ARL17A: variants seen among roughly 807,000 people sequenced by gnomAD.
The protein encoded by ARL17A is ARF like GTPase 17A.
chr17:46,575,666 T>C, intron 2 of ARL17A, among the ~76,000 whole-genome samples: 2 of 85,534 alleles, frequency 2.3e-5, no homozygotes, highest in Non-Finnish European at 4.9e-5. Flanking sequence ...AACCTAAGAA[T>C]GTGCAAGCCA....
chr17:46,537,077 ATTTTTTTTTTTTTTTT>A (rs766255014), intron 4 of ARL17A, among the ~76,000 whole-genome samples: 265 of 34,818 alleles, frequency 7.6e-3, no homozygotes, highest in African/African-American at 0.047. Context: ...ATTGTGGTCA[ATTTTTTTTTTTTTTTT>A]TTTTTTTTTT....
At chr17:46,525,602 T>TACA (rs1346950818), downstream of ARL17A, among the ~76,000 whole-genome samples, 3 of 103,264 alleles carry the variant, frequency 2.9e-5, no homozygotes, top group Non-Finnish European at 6.3e-5. Context: ...ATAATAATAA[T>TACA]ATAATAATAA....
chr17:46,534,691 G>A (rs1370331503), intron 4 of ARL17A, among the ~76,000 whole-genome samples: 7 of 149,846 alleles, frequency 4.7e-5, no homozygotes, highest in Admixed American at 6.6e-5. Context: ...ATCATGGCCC[G>A]TTCTCAATGA....
chr17:46,539,529 G>C (rs1197069501), intron 3 of ARL17A, among the ~76,000 whole-genome samples: 2 of 150,820 alleles, frequency 1.3e-5, no homozygotes, highest in Admixed American at 1.3e-4. Flanking sequence ...TTGGGAGGCT[G>C]AGGCAGGTAG....
At chr17:46,526,379 A>T (rs1376682763), downstream of ARL17A, among the ~76,000 whole-genome samples, 1 of 98,924 alleles carries the variant, frequency 1.0e-5, no homozygotes, top group Non-Finnish European at 2.2e-5. Flanking sequence ...ACACAAGTTT[A>T]TAAAAAACAA....
chr17:46,548,771 C>T (rs374053039), downstream of ARL17A: 47 of 1,611,328 alleles, frequency 2.9e-5, 5 homozygotes, highest in African/African-American at 3.1e-4. Context: ...AGTCCAGCCC[C>T]AAGGGAGGTG....
Position 46,520,857 on chromosome 17 carries a change from C to A in ARL17A, c.260-3624G>T, listed in dbSNP as rs1472538040. 7.6e-5 allele frequency among the ~76,000 whole-genome samples: 5 copies of A among 65,836 alleles called. 2 individuals carry two copies. The East Asian group carries it at 1.3e-3, about 17-fold the overall frequency. 43.2% of individuals were successfully genotyped at this position (65,836 alleles called of 152,430 possible). ...GAAGAAAATGGAGACCACCTGCATT[C>A]ATTTGAACATCATTAATCCAGAATT... On this transcript the variant is annotated intron_variant, in intron 3 of 4. Transcript: ENST00000445552.
chr17:46,548,153 C>T, downstream of ARL17A: 2 of 159,074 alleles, frequency 1.3e-5, no homozygotes, highest in African/African-American at 2.8e-4. Flanking sequence ...TTGTTGTTGC[C>T]ATTTCATAGG....
intron 3 of ARL17A, among the ~76,000 whole-genome samples, chr17:46,545,197 C>T (rs1301691948): frequency 5.2e-5 from 7 of 133,738 alleles, no homozygotes; most frequent in Non-Finnish European, 3.1e-5. Context: ...TTTGGAAGGC[C>T]GAGGTGGGAG....
At chr17:46,549,061 C>T, downstream of ARL17A, 1 of 1,612,096 alleles carries the variant, frequency 6.2e-7, no homozygotes, top group Non-Finnish European at 8.5e-7. Context: ...ATACCGCTTT[C>T]ACAAAACTCG....
At chr17:46,530,242 A>G (rs2053481973) in intron 4 of ARL17A, among the ~76,000 whole-genome samples, 1 of 122,100 alleles carries the variant, frequency 8.2e-6, no homozygotes, top group Admixed American at 9.5e-5. Flanking sequence ...AAGATATAGA[A>G]TGAAGGGGTA....
At chr17:46,505,301 GTTTT>G in the ARL17A span, among the ~76,000 whole-genome samples, 2 of 106,224 alleles carry the variant, frequency 1.9e-5, no homozygotes, top group East Asian at 4.4e-4. Context: ...AGGAAGTAAT[GTTTT>G]TCCAGTTTTC....
rs1220226031 is a variant in ARL17A at position 46,558,376 on chromosome 17, G to GT, written c.260-747dup. Among the ~76,000 whole-genome samples, 68 of 106,902 alleles carry GT rather than the reference G, an allele frequency of 6.4e-4. 1 individual carries two copies. In the East Asian group the frequency reaches 8.8e-3, roughly 14 times the overall value. The allele number at this position is 106,902 out of a possible 152,430, so 70.1% of individuals were successfully genotyped here. ...CGCCTGGCTTGTTTTGGGTTTTGGG[G>GT]TTTTTTTTGTGTTTTGTTTGTTTGT... On this transcript the variant is annotated intron_variant, in intron 3 of 3. Coordinates refer to ENST00000336125, the MANE Select transcript of ARL17A (RefSeq NM_001113738.2).
At chr17:46,526,438 A>C (rs1486035589), downstream of ARL17A, among the ~76,000 whole-genome samples, 19 of 103,196 alleles carry the variant, frequency 1.8e-4, 4 homozygotes, top group Admixed American at 1.2e-3. Context: ...AATAGAGCCT[A>C]ACCTTCCAGG....
chr17:46,529,498 C>T (rs1417642942), intron 4 of ARL17A, among the ~76,000 whole-genome samples: 11 of 106,100 alleles, frequency 1.0e-4, no homozygotes, highest in African/African-American at 3.2e-4. Context: ...TGGAAATGGT[C>T]ATCTACTGTG....
Position 46,568,514 on chromosome 17 carries a change from A to T in ARL17A, c.259+2245T>A, listed in dbSNP as rs2552440. On this transcript the variant is annotated intron_variant, in intron 3 of 3. Transcript: ENST00000336125. ...AGCAGTTAAAAAAAAAAAAAAAAAG[A>T]GGGGGGGAGGCCAGGCGAGGTGGCT... is the stretch of plus-strand genomic sequence containing the variant. Among the ~76,000 whole-genome samples, 12 of 109,052 alleles carry T rather than the reference A, an allele frequency of 1.1e-4. 1 individual carries two copies. Among genetic ancestry groups the T allele is most frequent in the East Asian group, 6.4e-4 (2 of 3,128 alleles). The allele number at this position is 109,052 out of a possible 152,430, so 71.5% of individuals were successfully genotyped here. A position where few individuals can be genotyped will look rare whatever the true frequency, so the allele number is the denominator to read the frequency against.
intron 4 of ARL17A, among the ~76,000 whole-genome samples, chr17:46,532,236 T>C (rs901924584): frequency 1.1e-4 from 17 of 148,650 alleles, no homozygotes; most frequent in Non-Finnish European, 2.2e-4. Flanking sequence ...AAACAACAAT[T>C]GTAGTGAAAC....
chr17:46,533,649 G>A (rs1490643648), intron 4 of ARL17A, among the ~76,000 whole-genome samples: 3 of 63,552 alleles, frequency 4.7e-5, no homozygotes, highest in Non-Finnish European at 7.4e-5. Context: ...CTGCAGGCAC[G>A]TAACACCACA....
chr17:46,558,478 C>T (rs1453807656), intron 3 of ARL17A, among the ~76,000 whole-genome samples: 1 of 121,028 alleles, frequency 8.3e-6, no homozygotes, highest in Non-Finnish European at 1.7e-5. Flanking sequence ...CCTCTGCCTT[C>T]CAGGTTCAAG....
Sources: allele counts gnomAD v4.1 joint callset (sites outside exome capture counted in the v4.1 genomes callset), GRCh38; gene constraint gnomAD v4.1.1; transcripts MANE v1.5; gene names NCBI Gene and HGNC (gene_info 2026-07-23, HGNC 2026-07-21).